Variants in MAP3K2 observed in about 807,000 individuals in gnomAD.
MAP3K2 encodes the protein MAP/ERK kinase kinase 2.
Under a neutral mutation model 80.3 loss-of-function variants are expected in MAP3K2, and 24 were observed. The ratio of observed to expected loss-of-function variants is 0.30; its 90% CI spans 0.22 to 0.42. MAP3K2 has a LOEUF of 0.42. MAP3K2 is among the 10% of genes least tolerant of loss of function. The pLI is 1.00. For synonymous variants in MAP3K2, 244 were observed against 253.7 expected, an observed-to-expected ratio of 0.96 and a Z score of 0.36; for missense variants, 608 against 750.1, an observed-to-expected ratio of 0.81 and a Z score of 2.21.
chr2:127,360,369 A>T (rs1467174009), intron 1 of MAP3K2, among the ~76,000 whole-genome samples: 22 of 129,652 alleles, frequency 1.7e-4, no homozygotes, highest in African/African-American at 5.9e-4. Flanking sequence ...TCACTGGTTT[A>T]AAAAAAAAAA....
intron 1 of MAP3K2, among the ~76,000 whole-genome samples, chr2:127,353,729 C>T (rs1420851179): frequency 5.9e-5 from 9 of 152,218 alleles, no homozygotes; most frequent in Non-Finnish European, 1.0e-4. Flanking sequence ...GCCACCACCC[C>T]GTCTGGGAGG....
intron 1 of MAP3K2, among the ~76,000 whole-genome samples, chr2:127,359,123 T>C (rs1288578260): frequency 2.0e-5 from 3 of 152,084 alleles, no homozygotes; most frequent in Non-Finnish European, 4.4e-5. Context: ...CAGATATACA[T>C]CACTATACTA....
At chr2:127,352,545 C>T (rs1686709457) in intron 1 of MAP3K2, among the ~76,000 whole-genome samples, 2 of 152,202 alleles carry the variant, frequency 1.3e-5, no homozygotes, top group South Asian at 4.1e-4. Flanking sequence ...AACTAACCCT[C>T]AAATCTGTAT....
intron 14 of MAP3K2, among the ~76,000 whole-genome samples, chr2:127,315,883 G>A (rs151059845): frequency 0.011 from 1,726 of 152,084 alleles, 29 homozygotes; most frequent in African/African-American, 0.038. Context: ...TCAGGAGTTC[G>A]AGACCAGCCT....
intron 3 of MAP3K2, among the ~76,000 whole-genome samples, chr2:127,338,530 T>C (rs916518858): frequency 2.6e-5 from 4 of 152,160 alleles, no homozygotes; most frequent in African/African-American, 7.2e-5. Context: ...CTCCCCTCTA[T>C]GTCTCCATGT....
chr2:127,313,291 G>A (rs1041747702), intron 15 of MAP3K2, among the ~76,000 whole-genome samples: 1 of 152,158 alleles, frequency 6.6e-6, no homozygotes, highest in East Asian at 1.9e-4. Flanking sequence ...GGCTTGAATG[G>A]ACATTATTCC....
At chr2:127,384,219 T>TATATATATATATATATAC (rs1553519796) in intron 1 of MAP3K2, among the ~76,000 whole-genome samples, 9 of 149,976 alleles carry the variant, frequency 6.0e-5, no homozygotes, top group African/African-American at 2.2e-4. Flanking sequence ...AATTGATATA[T>TATATATATATATATATAC]ATATATATAT....
chr2:127,377,106 A>T (rs775267509), intron 1 of MAP3K2, among the ~76,000 whole-genome samples: 1 of 152,072 alleles, frequency 6.6e-6, no homozygotes, highest in Non-Finnish European at 1.5e-5. Flanking sequence ...TGTTCACTCT[A>T]TTCATTTTAA....
intron 1 of MAP3K2, among the ~76,000 whole-genome samples, chr2:127,378,588 T>C (rs1574009583): frequency 6.6e-6 from 1 of 152,250 alleles, no homozygotes; most frequent in East Asian, 1.9e-4. Context: ...ATATGAAGAG[T>C]TGATTCTATA....
At chr2:127,316,305 C>T (rs1467349919) in intron 14 of MAP3K2, among the ~76,000 whole-genome samples, 1 of 152,074 alleles carries the variant, frequency 6.6e-6, no homozygotes, top group East Asian at 1.9e-4. Flanking sequence ...ACCCAGGAGA[C>T]GGAGGTTGCA....
At position 127,301,600 on chromosome 2, in the gene MAP3K2, T is replaced by C. The variant is rs1025347589; in HGVS notation, c.*5979A>G. 18 of 152,208 alleles carry C rather than the reference T, an allele frequency of 1.2e-4. No individual in the cohort carries two copies. The highest frequency in any genetic ancestry group is 4.3e-4 in the African/African-American group (18 of 41,446). The allele number at this position is 152,208 out of a possible 1,614,324, so 9.4% of individuals were successfully genotyped here. ...TTTAAAGTGATTCTGATAATACAGA[T>C]TGTGTTACAAACAAGAAGTCATCAG... On this transcript the variant is annotated 3_prime_UTR_variant, in exon 17 of 17. Transcript: ENST00000682094.
rs754831816 is a variant in MAP3K2 at position 127,324,245 on chromosome 2, TA to T, written c.678-5del. The stretch of plus-strand genomic sequence containing the variant: ...TCGTGATTTTGGATAGCTCTCTCTA[TA>T]AAGAAAAAACATCACATTAAGTTTA... On this transcript the variant is annotated splice_region_variant and splice_polypyrimidine_tract_variant and intron_variant, in intron 9 of 16. Coordinates refer to ENST00000682094, the MANE Select transcript of MAP3K2 (RefSeq NM_001371910.2). 1 of 1,524,166 alleles carries T rather than the reference TA, an allele frequency of 6.6e-7. No individual in the cohort carries two copies. The highest frequency in any genetic ancestry group is 8.8e-7 in the Non-Finnish European group (1 of 1,131,040). 94.4% of individuals were successfully genotyped at this position (1,524,166 alleles called of 1,614,324 possible). A position where few individuals can be genotyped will look rare whatever the true frequency, so the allele number is the denominator to read the frequency against.
At chr2:127,352,445 G>A (rs922029755) in intron 1 of MAP3K2, among the ~76,000 whole-genome samples, 52 of 152,124 alleles carry the variant, frequency 3.4e-4, no homozygotes, top group African/African-American at 1.3e-3. Context: ...TTCCTTGTTT[G>A]GCTATTAAAT....
chr2:127,356,973 A>G (rs1371654316), intron 1 of MAP3K2, among the ~76,000 whole-genome samples: 1 of 152,198 alleles, frequency 6.6e-6, no homozygotes, highest in Non-Finnish European at 1.5e-5. Context: ...TGCAAACTAT[A>G]CATCCAATGG....
intron 1 of MAP3K2, among the ~76,000 whole-genome samples, chr2:127,360,343 G>A (rs1221844024): frequency 6.6e-6 from 1 of 150,652 alleles, no homozygotes; most frequent in Non-Finnish European, 1.5e-5. Flanking sequence ...ACTAATCTAT[G>A]GTGACAGAAA....
chr2:127,335,737 C>T (rs1300249807), intron 5 of MAP3K2, 133 bp downstream of exon 5: 1 of 493,958 alleles, frequency 2.0e-6, no homozygotes, highest in East Asian at 3.0e-5. Context: ...TTAAAATTTA[C>T]TTGTTTTATC....
At chr2:127,330,088 A>G in intron 6 of MAP3K2, 80 bp from the exon 7 acceptor site, 1 of 785,732 alleles carries the variant, frequency 1.3e-6, no homozygotes, top group Non-Finnish European at 2.2e-6. Context: ...CCAAGTACAA[A>G]ACATTTTATA....
At chr2:127,346,984 C>T (rs1224020741) in intron 1 of MAP3K2, among the ~76,000 whole-genome samples, 1 of 151,974 alleles carries the variant, frequency 6.6e-6, no homozygotes, top group African/African-American at 2.4e-5. Context: ...GAGCGAGACT[C>T]TGTCTCAAGG....
At chr2:127,312,729 G>A (rs1018662840) in intron 15 of MAP3K2, among the ~76,000 whole-genome samples, 5 of 152,084 alleles carry the variant, frequency 3.3e-5, no homozygotes, top group African/African-American at 7.2e-5. Context: ...TTGAGAGGCC[G>A]AGGCAGGTGG....
Sources: allele counts gnomAD v4.1 joint callset (sites outside exome capture counted in the v4.1 genomes callset), GRCh38; gene constraint gnomAD v4.1.1; transcripts MANE v1.5; gene names NCBI Gene and HGNC (gene_info 2026-07-23, HGNC 2026-07-21).